The following CAMK2D variants were observed in gnomAD, a reference collection of about 807,000 sequenced individuals.
CAMK2D encodes the protein calcium/calmodulin dependent protein kinase II delta.
A neutral mutation model predicts 84.0 loss-of-function variants in CAMK2D; 37 were observed. The observed-to-expected ratio is 0.44, with a 90% CI of 0.34 to 0.58. The LOEUF (loss-of-function observed/expected upper bound fraction) is 0.58, where lower values mean the gene tolerates loss of function less well. Among genes scored for constraint, CAMK2D ranks in the 20% least tolerant of loss-of-function variants. The pLI is 0.02. For missense variants in CAMK2D, 448 were observed against 652.5 expected (o/e 0.69, Z 3.41); for synonymous variants, 202 against 212.5 (o/e 0.95, Z 0.43).
At position 113,605,534 on chromosome 4, in the gene CAMK2D, T is replaced by G. The variant is rs142138432; in HGVS notation, c.275+3618A>C. Among the ~76,000 whole-genome samples, 260 of 152,308 alleles carry G rather than the reference T, an allele frequency of 1.7e-3. 1 individual carries two copies. The highest frequency in any genetic ancestry group is 6.1e-3 in the African/African-American group (253 of 41,570). ...CTTAAGTAATGAGAACTCACAAAAG[T>G]GTTTTTTATTCCACCATTCATCATA... is the stretch of plus-strand genomic sequence containing the variant. On this transcript the variant is annotated intron_variant, in intron 4 of 20. Transcript: ENST00000511664.
intron 17 of CAMK2D, among the ~76,000 whole-genome samples, chr4:113,462,293 T>TGTGTGTGTGC: frequency 9.3e-6 from 1 of 107,104 alleles, no homozygotes; most frequent in African/African-American, 3.0e-5. Context: ...TGTGTGTGTG[T>TGTGTGTGTGC]GTCTGTCTGT....
chr4:113,503,082 G>T, intron 14 of CAMK2D, 105 bp from the exon 15 acceptor site: 1 of 827,254 alleles, frequency 1.2e-6, no homozygotes, highest in Non-Finnish European at 2.1e-6. Flanking sequence ...ATGAAATAGT[G>T]ACAAGAGCTA....
chr4:113,718,137 A>C (rs545042293), intron 2 of CAMK2D, among the ~76,000 whole-genome samples: 4 of 152,272 alleles, frequency 2.6e-5, no homozygotes, highest in Admixed American at 2.6e-4. Context: ...TGCAATAGAG[A>C]GTTTAATTCA....
At chr4:113,734,291 A>G (rs2099576019) in intron 2 of CAMK2D, among the ~76,000 whole-genome samples, 1 of 152,162 alleles carries the variant, frequency 6.6e-6, no homozygotes, top group African/African-American at 2.4e-5. Flanking sequence ...TCTTTCTAAA[A>G]TAAAACATTA....
intron 2 of CAMK2D, among the ~76,000 whole-genome samples, chr4:113,730,456 T>C (rs2099563453): frequency 6.6e-6 from 1 of 152,206 alleles, no homozygotes; most frequent in Admixed American, 6.5e-5. Context: ...AAGGTACTCA[T>C]AGATAGTATT....
At chr4:113,493,525 T>C (rs1392398335) in intron 16 of CAMK2D, among the ~76,000 whole-genome samples, 1 of 152,256 alleles carries the variant, frequency 6.6e-6, no homozygotes, top group African/African-American at 2.4e-5. Context: ...GTTAGTCTGA[T>C]GGGCTTCCCT....
chr4:113,702,871 C>G (rs899258900), intron 2 of CAMK2D, among the ~76,000 whole-genome samples: 1 of 152,068 alleles, frequency 6.6e-6, no homozygotes, highest in South Asian at 2.1e-4. Flanking sequence ...TGAATACCAT[C>G]CTGGGTGACA....
In CAMK2D at chr4:113,457,456, T is replaced by C. The variant is rs2154101198; in HGVS notation, c.1414A>G (p.Met472Val). The change falls in exon 19 of 21, where the codon ATG becomes GTG. Residue 472 changes from methionine to valine, a missense_variant. This residue lies in a region of CAMK2D where 219 missense variants were observed against 272.1 expected (regional missense o/e 0.80). Coordinates refer to ENST00000511664, the MANE Select transcript of CAMK2D (RefSeq NM_001321571.2). ...GTCTTTGGCATTCCACTGCCATCCA[T>C]GTACTGTGTGAGCCTAATATATGCT... is the stretch of plus-strand genomic sequence containing the variant. ...CIAYIRLTQY[M>V]DGSGMPKTMQ... is the part of the protein sequence containing the mutation. 6.2e-7 allele frequency: 1 copy of C among 1,613,942 alleles called. No homozygotes were observed.
At chr4:113,754,824 T>C (rs1426832809) in intron 2 of CAMK2D, 8 of 984,050 alleles carry the variant, frequency 8.1e-6, no homozygotes, top group Admixed American at 6.2e-5. Context: ...GGATACAAAA[T>C]AATAAGGATG....
chr4:113,475,729 C>T (rs1464957151), intron 16 of CAMK2D, among the ~76,000 whole-genome samples: 1 of 152,234 alleles, frequency 6.6e-6, no homozygotes, highest in East Asian at 1.9e-4. Flanking sequence ...AGATCTTTTA[C>T]TACACAGGAA....
At chr4:113,595,210 C>A (rs1393173059) in intron 4 of CAMK2D, among the ~76,000 whole-genome samples, 1 of 152,024 alleles carries the variant, frequency 6.6e-6, no homozygotes, top group Non-Finnish European at 1.5e-5. Context: ...TAAATACTTT[C>A]TCAGACAAAC....
rs1284394821 is a variant in CAMK2D at position 113,547,666 on chromosome 4, C to T, written c.392G>A (p.Gly131Asp). 6.4e-7 allele frequency: 1 copy of T among 1,568,890 alleles called. No homozygotes were observed. The highest frequency in any genetic ancestry group is 8.6e-7 in the Non-Finnish European group (1 of 1,163,698). Residue 131 changes from glycine (G) to aspartate (D), a missense_variant, in exon 6 of 21, where the codon GGC becomes GAC. By Grantham distance (94) the Gly-to-Asp change is moderately conservative (BLOSUM62 -1). This residue lies in a region of CAMK2D where 60 missense variants were observed against 70.0 expected (regional missense o/e 0.86). Coordinates refer to ENST00000511664, the MANE Select transcript of CAMK2D (RefSeq NM_001321571.2). The stretch of plus-strand genomic sequence containing the variant: ...CACCTTCAGGTCCCGATGGACCACG[C>T]CCATCTGATGGCAGTGTAGCACAGC... ...LEAVLHCHQMGVVHRDLKPEN... is the reference protein window; with the variant it reads ...LEAVLHCHQMDVVHRDLKPEN...
At chr4:113,521,331 G>C (rs2098356517) in intron 8 of CAMK2D, among the ~76,000 whole-genome samples, 1 of 151,928 alleles carries the variant, frequency 6.6e-6, no homozygotes, top group Non-Finnish European at 1.5e-5. Context: ...CCCATCTTTG[G>C]CTAGTGCCAG....
At chr4:113,488,978 T>C (rs1357100186) in intron 16 of CAMK2D, among the ~76,000 whole-genome samples, 1 of 151,768 alleles carries the variant, frequency 6.6e-6, no homozygotes, top group Non-Finnish European at 1.5e-5. Context: ...AAGAGAAAAA[T>C]TGAGTATAGA....
At chr4:113,589,500 T>G (rs918034915) in intron 4 of CAMK2D, among the ~76,000 whole-genome samples, 4 of 152,164 alleles carry the variant, frequency 2.6e-5, no homozygotes, top group African/African-American at 9.6e-5. Context: ...CTGAATGTAT[T>G]TTGAATCTAA....
Position 113,457,518 on chromosome 4 carries a change from G to A in CAMK2D, c.1352C>T (p.Pro451Leu). Residue 451 changes from proline (P) to leucine (L), a missense_variant, in exon 19 of 21, where the codon CCT becomes CTT. This residue lies in a region of CAMK2D where 219 missense variants were observed against 272.1 expected (regional missense o/e 0.80). Coordinates refer to ENST00000511664, the MANE Select transcript of CAMK2D (RefSeq NM_001321571.2). ...ATCATCCCCTACCAGATGTACATGAGGGTTTAGAATAATAGTGTGGATTGG... is the reference window on the plus strand; with the variant it reads ...ATCATCCCCTACCAGATGTACATGAAGGTTTAGAATAATAGTGTGGATTGG... ...NKPIHTIILNPHVHLVGDDAA... is the reference protein window; with the variant it reads ...NKPIHTIILNLHVHLVGDDAA... The A allele has an allele frequency of 1.2e-6, 2 of 1,613,516 alleles. No individual in the cohort carries two copies. The highest frequency in any genetic ancestry group is 1.7e-6 in the Non-Finnish European group (2 of 1,179,504).
At chr4:113,709,610 C>CT (rs112846322) in intron 2 of CAMK2D, among the ~76,000 whole-genome samples, 31,812 of 150,228 alleles carry the variant, frequency 0.21, 6,881 homozygotes, top group African/African-American at 0.56. Context: ...TTCCAAATTC[C>CT]TATGTCCCTG....
At chr4:113,688,998 A>G (rs543912518) in intron 2 of CAMK2D, among the ~76,000 whole-genome samples, 4 of 151,060 alleles carry the variant, frequency 2.6e-5, no homozygotes, top group African/African-American at 9.7e-5. Flanking sequence ...TAACCCCAGC[A>G]CTTTGGGAGG....
intron 2 of CAMK2D, among the ~76,000 whole-genome samples, chr4:113,721,832 T>C (rs1451940358): frequency 1.3e-5 from 2 of 152,158 alleles, no homozygotes; most frequent in Non-Finnish European, 2.9e-5. Context: ...TAAAGACCAC[T>C]TGTACTGGTG....
Sources: gnomAD v4.1 joint callset for allele counts (sites outside exome capture counted in the v4.1 genomes callset) on GRCh38, gnomAD v4.1.1 for gene constraint, gnomAD v4.1.1 regional missense constraint, MANE v1.5 for transcripts, NCBI Gene and HGNC (gene_info 2026-07-23, HGNC 2026-07-21) for gene names.